Variants in VPS39 observed in about 807,000 individuals in gnomAD.
VPS39 encodes VPS39 subunit of HOPS complex.
In VPS39, 70 loss-of-function variants were observed where a neutral mutation model predicts 121.0. The ratio of observed to expected loss-of-function variants is 0.58; its 90% CI spans 0.48 to 0.71. VPS39 has a LOEUF of 0.71. Among genes scored for constraint, VPS39 ranks in the 30% least tolerant of loss-of-function variants. The pLI is 0.00. For missense variants in VPS39, 818 were observed against 1,051.5 expected, an observed-to-expected ratio of 0.78 and a Z score of 3.07; for synonymous variants, 378 against 398.1, an observed-to-expected ratio of 0.95 and a Z score of 0.60.
Position 42,166,217 on chromosome 15 carries a change from T to C in VPS39, c.1622A>G (p.His541Arg), listed in dbSNP as rs980067551. 6.2e-7 allele frequency: 1 copy of C among 1,614,184 alleles called. No homozygotes were observed. The highest frequency in any genetic ancestry group is 8.5e-7 in the Non-Finnish European group (1 of 1,180,032). The change falls in exon 16 of 25, where the codon CAT (histidine) becomes CGT (arginine). Residue 541 changes from histidine to arginine, a missense_variant. By Grantham distance (29) the His-to-Arg change is conservative. Coordinates refer to ENST00000318006, the MANE Select transcript of VPS39 (RefSeq NM_015289.5). ...YLQHLGTENL[H>R]LIFSYSVWVL... Reference sequence around the variant, plus strand: ...CCACACTGAGTAGGAGAAAATCAAATGCAGGTTTTCTGTGCCTAGAAGGAA... The same window carrying C: ...CCACACTGAGTAGGAGAAAATCAAACGCAGGTTTTCTGTGCCTAGAAGGAA...
intron 4 of VPS39, among the ~76,000 whole-genome samples, chr15:42,190,430 T>C (rs1021958537): frequency 6.6e-6 from 1 of 152,190 alleles, no homozygotes; most frequent in Non-Finnish European, 1.5e-5. Context: ...AAGTGTGAGA[T>C]CAGCTGCTAG....
At chr15:42,205,328 A>G (rs550783220) in intron 1 of VPS39, among the ~76,000 whole-genome samples, 1 of 152,346 alleles carries the variant, frequency 6.6e-6, no homozygotes, top group African/African-American at 2.4e-5. Context: ...ACATTGGTGG[A>G]TGTGGCAATC....
At chr15:42,193,292 C>A (rs936262973) in intron 2 of VPS39, among the ~76,000 whole-genome samples, 9 of 152,156 alleles carry the variant, frequency 5.9e-5, no homozygotes, top group Admixed American at 3.3e-4. Context: ...TAAGAACCCA[C>A]ATCTGCTTCT....
chr15:42,186,749 C>A (rs2140872316), intron 7 of VPS39, among the ~76,000 whole-genome samples: 1 of 152,184 alleles, frequency 6.6e-6, no homozygotes, highest in East Asian at 1.9e-4. Flanking sequence ...AGTGGGGGGA[C>A]TATGGTTGAT....
At position 42,167,486 on chromosome 15, in the gene VPS39, T is replaced by C; in HGVS notation, c.1285A>G (p.Thr429Ala). The change falls in exon 13 of 25, where the codon ACC becomes GCC. Residue 429 changes from threonine (T) to alanine (A), a missense_variant. Transcript: ENST00000318006. ...GGAGTGCCTTCCATGAGCGGTGAGG[T>C]GCTTGACTGGTGATCAGAGTCATTC... ...KLNDSDHQSSTSPLMEGTPTI... is the reference protein window; with the variant it reads ...KLNDSDHQSSASPLMEGTPTI... The C allele has an allele frequency of 6.2e-7, 1 of 1,614,148 alleles. No individual in the cohort carries two copies. The highest frequency in any genetic ancestry group is 1.1e-5 in the South Asian group (1 of 91,080).
At chr15:42,166,273 C>G (rs541077844) in intron 15 of VPS39, 41 bp from the exon 16 acceptor site, 2 of 1,594,874 alleles carry the variant, frequency 1.3e-6, no homozygotes, top group African/African-American at 2.7e-5. Flanking sequence ...TGAGGCCCAT[C>G]TTGCCTGTGG....
At chr15:42,200,331 A>ATT (rs1397656612) in intron 1 of VPS39, among the ~76,000 whole-genome samples, 1 of 151,960 alleles carries the variant, frequency 6.6e-6, no homozygotes, top group Non-Finnish European at 1.5e-5. Flanking sequence ...ATTAAGATAT[A>ATT]TATCTTCAGA....
Position 42,199,509 on chromosome 15 carries a change from T to C in VPS39, c.139+387A>G, listed in dbSNP as rs1196657735. Reference sequence around the variant, plus strand: ...TCATAAGCCAACAAGATATTTTAAATCGATGTTGCCTAATTTTTTTTCCTA... The same window carrying C: ...TCATAAGCCAACAAGATATTTTAAACCGATGTTGCCTAATTTTTTTTCCTA... On this transcript the variant is annotated intron_variant, in intron 2 of 24. Transcript: ENST00000318006. 3 of 437,338 alleles carry C rather than the reference T, an allele frequency of 6.9e-6. No individual in the cohort carries two copies. In the Admixed American group the frequency reaches 8.2e-5, roughly 12 times the overall value. 27.1% of individuals were successfully genotyped at this position (437,338 alleles called of 1,614,324 possible). A position where few individuals can be genotyped will look rare whatever the true frequency, so the allele number is the denominator to read the frequency against.
intron 7 of VPS39, 31 bp from the exon 8 acceptor site, chr15:42,184,731 C>T (rs201108684): frequency 3.8e-6 from 6 of 1,581,774 alleles, no homozygotes; most frequent in African/African-American, 1.4e-5. Flanking sequence ...AGTCACCTAG[C>T]ATTCCCCAGC....
chr15:42,185,177 ACT>A (rs1491442031), intron 7 of VPS39, among the ~76,000 whole-genome samples: 3 of 145,498 alleles, frequency 2.1e-5, no homozygotes, highest in Non-Finnish European at 4.5e-5. Flanking sequence ...ATTGAAAACA[ACT>A]TTTTTTTTTT....
chr15:42,169,581 G>T (rs1595647632), intron 12 of VPS39, 143 bp downstream of exon 12: 1 of 916,412 alleles, frequency 1.1e-6, no homozygotes, highest in East Asian at 2.9e-5. Flanking sequence ...GTAGCAGAAA[G>T]AAACTTTACC....
chr15:42,195,506 A>G (rs909609777), intron 2 of VPS39, among the ~76,000 whole-genome samples: 66 of 152,210 alleles, frequency 4.3e-4, no homozygotes, highest in Non-Finnish European at 7.9e-4. Context: ...CAAAAACCAC[A>G]AGCATTCTTA....
chr15:42,206,636 C>T (rs1263809905), intron 1 of VPS39, among the ~76,000 whole-genome samples: 2 of 152,150 alleles, frequency 1.3e-5, no homozygotes, highest in African/African-American at 4.8e-5. Context: ...AAACATATGT[C>T]CTTAGCTGAG....
Position 42,184,506 on chromosome 15 carries a change from G to C in VPS39, c.718+11C>G. 1.3e-6 allele frequency: 2 copies of C among 1,588,914 alleles called. No homozygotes were observed. The highest frequency in any genetic ancestry group is 8.6e-7 in the Non-Finnish European group (1 of 1,169,248). ...CCCAAAGTGGGAAACAGCAGCTACTGTTGGTCTCACCCATGGCCACTGGTA... is the reference window on the plus strand; with the variant it reads ...CCCAAAGTGGGAAACAGCAGCTACTCTTGGTCTCACCCATGGCCACTGGTA... On this transcript the variant is annotated intron_variant, in intron 8 of 24. Coordinates refer to ENST00000318006, the MANE Select transcript of VPS39 (RefSeq NM_015289.5).
intron 8 of VPS39, 33 bp from the exon 9 acceptor site, chr15:42,178,603 G>C (rs552755478): frequency 1.2e-6 from 2 of 1,610,592 alleles, no homozygotes; most frequent in South Asian, 2.2e-5. Flanking sequence ...CAGTTGTTCC[G>C]GTCTAAGGCT....
intron 4 of VPS39, among the ~76,000 whole-genome samples, chr15:42,189,409 C>T (rs894020944): frequency 6.6e-6 from 1 of 152,130 alleles, no homozygotes; most frequent in Non-Finnish European, 1.5e-5. Flanking sequence ...ACTTGGTCTT[C>T]TAAACTTGGA....
intron 11 of VPS39, among the ~76,000 whole-genome samples, chr15:42,170,316 G>T (rs546555281): frequency 6.1e-4 from 93 of 152,238 alleles, no homozygotes; most frequent in Middle Eastern, 3.4e-3. Flanking sequence ...ACAAGACTGG[G>T]CAGCATAGTA....
intron 11 of VPS39, among the ~76,000 whole-genome samples, chr15:42,172,779 T>A (rs2049372498): frequency 6.6e-6 from 1 of 152,216 alleles, no homozygotes; most frequent in Non-Finnish European, 1.5e-5. Context: ...CTCCCATCAA[T>A]TTTATGAATT....
At chr15:42,161,090 A>C (rs913154890) in intron 24 of VPS39, 19 of 452,248 alleles carry the variant, frequency 4.2e-5, no homozygotes, top group Non-Finnish European at 7.6e-5. Flanking sequence ...AGGCATATTA[A>C]AGATGGGCAG....
Sources: allele counts gnomAD v4.1 joint callset (sites outside exome capture counted in the v4.1 genomes callset), GRCh38; gene constraint gnomAD v4.1.1; transcripts MANE v1.5; gene names NCBI Gene and HGNC (gene_info 2026-07-23, HGNC 2026-07-21).